The following GAREM1 variants were observed in gnomAD, a reference collection of about 807,000 sequenced individuals.
The protein encoded by GAREM1 is GRB2-associated and regulator of MAPK protein 1.
GAREM1 carries 26 observed loss-of-function variants against 71.3 expected under a neutral mutation model. That is an observed-to-expected ratio of 0.36 (90% CI 0.27 to 0.51). GAREM1 has a LOEUF of 0.51. Among genes scored for constraint, GAREM1 ranks in the 20% least tolerant of loss-of-function variants. The pLI, the probability that GAREM1 is intolerant of heterozygous loss-of-function variation, is 0.95. For synonymous variants in GAREM1, 440 were observed against 433.2 expected (o/e 1.02, Z -0.20); for missense variants, 1,026 against 1,103.1 (o/e 0.93, Z 0.99).
chr18:32,375,276 T>C (rs1215984661), intron 2 of GAREM1, among the ~76,000 whole-genome samples: 1 of 152,158 alleles, frequency 6.6e-6, no homozygotes, highest in Non-Finnish European at 1.5e-5. Context: ...CACTAGAATC[T>C]ACCGATTCTA....
At chr18:32,342,754 C>T (rs557494945) in intron 2 of GAREM1, among the ~76,000 whole-genome samples, 61 of 152,250 alleles carry the variant, frequency 4.0e-4, no homozygotes, top group African/African-American at 1.4e-3. Context: ...CTATACACAT[C>T]CAAATGTCTG....
chr18:32,294,911 G>A (rs774003302), intron 3 of GAREM1, among the ~76,000 whole-genome samples: 15 of 152,034 alleles, frequency 9.9e-5, no homozygotes, highest in Non-Finnish European at 2.1e-4. Context: ...ATAAAAATAC[G>A]ATAAATTTGT....
At chr18:32,390,371 T>G (rs149637789) in intron 2 of GAREM1, among the ~76,000 whole-genome samples, 1,992 of 152,330 alleles carry the variant, frequency 0.013, 26 homozygotes, top group South Asian at 0.044. Context: ...CTAAACTTCT[T>G]GTTGAAAAAA....
At chr18:32,318,885 G>C (rs1192758197) in intron 2 of GAREM1, among the ~76,000 whole-genome samples, 1 of 152,102 alleles carries the variant, frequency 6.6e-6, no homozygotes, top group Non-Finnish European at 1.5e-5. Flanking sequence ...AAATGTTAAA[G>C]TAGAAAAGAA....
chr18:32,370,538 C>T (rs1035248839), intron 2 of GAREM1, among the ~76,000 whole-genome samples: 2 of 151,964 alleles, frequency 1.3e-5, no homozygotes, highest in Admixed American at 1.3e-4. Flanking sequence ...ATATCATATT[C>T]CTTTGGTTCC....
intron 2 of GAREM1, among the ~76,000 whole-genome samples, chr18:32,371,609 G>T (rs1448690787): frequency 6.6e-6 from 1 of 152,142 alleles, no homozygotes; most frequent in East Asian, 1.9e-4. Flanking sequence ...AGGAAGAAGA[G>T]TGGGATTAAG....
intron 3 of GAREM1, among the ~76,000 whole-genome samples, chr18:32,293,540 T>G (rs762714777): frequency 3.9e-5 from 6 of 152,196 alleles, no homozygotes; most frequent in Non-Finnish European, 5.9e-5. Context: ...ATTTTGAAAC[T>G]TATTATTTAC....
intron 3 of GAREM1, among the ~76,000 whole-genome samples, chr18:32,309,615 CAAAAAAAAAAA>C (rs11370938): frequency 0.019 from 265 of 13,850 alleles, 2 homozygotes; most frequent in East Asian, 0.19. Context: ...GACTCAGTCT[CAAAAAAAAAAA>C]AAAAAAAAAA....
Position 32,359,224 on chromosome 18 carries a change from T to A in GAREM1, c.262+33671A>T, listed in dbSNP as rs550524902. Among the ~76,000 whole-genome samples, 11 of 152,284 alleles carry A rather than the reference T, an allele frequency of 7.2e-5. No individual in the cohort carries two copies. In the South Asian group the frequency reaches 2.1e-3, roughly 29 times the overall value. ...AAGAAAACCAGCAGCCCATGCCCCA[T>A]ACCTCCCACCTGATTCCTTCTCCCT... On this transcript the variant is annotated intron_variant, in intron 2 of 5. Transcript: ENST00000269209.
Position 32,326,090 on chromosome 18 carries a change from A to G in GAREM1, c.263-15767T>C, listed in dbSNP as rs143763928. 6.0e-3 allele frequency among the ~76,000 whole-genome samples: 909 copies of G among 152,346 alleles called. 5 individuals are homozygous for G. Among genetic ancestry groups the G allele is most frequent in the African/African-American group, 0.021 (857 of 41,580 alleles). On this transcript the variant is annotated intron_variant, in intron 2 of 5. Transcript: ENST00000269209. Reference sequence around the variant, plus strand: ...AACTGCTCCAGAATATGAGACATCAAAAAGTATTCTAAATTTGACATACAT... The same window carrying G: ...AACTGCTCCAGAATATGAGACATCAGAAAGTATTCTAAATTTGACATACAT...
intron 1 of GAREM1, among the ~76,000 whole-genome samples, chr18:32,426,352 T>C (rs1040950380): frequency 2.6e-5 from 4 of 152,136 alleles, no homozygotes; most frequent in African/African-American, 9.7e-5. Flanking sequence ...AAAGAGAAAA[T>C]AGGATGTTTG....
chr18:32,329,465 T>C (rs1319488812), intron 2 of GAREM1, among the ~76,000 whole-genome samples: 1 of 151,798 alleles, frequency 6.6e-6, no homozygotes, highest in African/African-American at 2.4e-5. Flanking sequence ...CCCAGCACTT[T>C]GGGAGGCTGA....
At chr18:32,391,490 A>G (rs2048198148) in intron 2 of GAREM1, among the ~76,000 whole-genome samples, 1 of 152,220 alleles carries the variant, frequency 6.6e-6, no homozygotes, top group South Asian at 2.1e-4. Context: ...TAATTTCCTC[A>G]TAGATGAATA....
intron 2 of GAREM1, among the ~76,000 whole-genome samples, chr18:32,350,336 A>T (rs1181557390): frequency 6.6e-6 from 1 of 152,266 alleles, no homozygotes; most frequent in South Asian, 2.1e-4. Flanking sequence ...CCTTAATACA[A>T]CTACTATTAC....
intron 2 of GAREM1, among the ~76,000 whole-genome samples, chr18:32,376,501 T>C (rs544479480): frequency 6.6e-6 from 1 of 152,358 alleles, no homozygotes; most frequent in African/African-American, 2.4e-5. Context: ...TCCTTTCCAA[T>C]GTTTAAAATT....
At chr18:32,416,313 C>T (rs977269848) in intron 1 of GAREM1, among the ~76,000 whole-genome samples, 1 of 152,078 alleles carries the variant, frequency 6.6e-6, no homozygotes, top group African/African-American at 2.4e-5. Flanking sequence ...TCTGCAGATT[C>T]AACACAATCC....
intron 3 of GAREM1, among the ~76,000 whole-genome samples, chr18:32,294,868 T>C (rs191241241): frequency 6.6e-6 from 1 of 152,292 alleles, no homozygotes; most frequent in East Asian, 1.9e-4. Flanking sequence ...CATTTTAGTG[T>C]TTCAGATTTT....
chr18:32,283,587 A>G (rs1023740783), intron 4 of GAREM1, among the ~76,000 whole-genome samples: 4 of 152,170 alleles, frequency 2.6e-5, no homozygotes, highest in African/African-American at 4.8e-5. Flanking sequence ...ATTATTAAAC[A>G]ATCTTTACAA....
intron 2 of GAREM1, among the ~76,000 whole-genome samples, chr18:32,351,705 T>C (rs900841887): frequency 3.3e-5 from 5 of 151,652 alleles, no homozygotes; most frequent in Admixed American, 1.3e-4. Context: ...CTCTCTCTTT[T>C]TTTTTTTTTT....
Sources: gnomAD v4.1 joint callset for allele counts (sites outside exome capture counted in the v4.1 genomes callset) on GRCh38, gnomAD v4.1.1 for gene constraint, MANE v1.5 for transcripts, NCBI Gene and HGNC (gene_info 2026-07-23, HGNC 2026-07-21) for gene names.